The following PLXDC2 variants were observed in gnomAD, a reference collection of about 807,000 sequenced individuals.
The protein encoded by PLXDC2 is plexin domain containing 2.
A neutral mutation model predicts 68.9 loss-of-function variants in PLXDC2; 40 were observed. That is an observed-to-expected ratio of 0.58 (90% CI 0.45 to 0.76). PLXDC2 has a LOEUF of 0.76. Among genes scored for constraint, PLXDC2 ranks in the 30% least tolerant of loss-of-function variants. The pLI is 0.00. For missense variants in PLXDC2, 644 were observed against 661.9 expected (o/e 0.97, Z 0.30); for synonymous variants, 243 against 234.2 (o/e 1.04, Z -0.34).
At chr10:20,197,837 A>C (rs1834862847) in intron 9 of PLXDC2, among the ~76,000 whole-genome samples, 1 of 152,126 alleles carries the variant, frequency 6.6e-6, no homozygotes, top group Non-Finnish European at 1.5e-5. Context: ...TTTCATAAAT[A>C]AAAAGCCAAA....
At chr10:20,021,689 A>G (rs1266020210) in intron 2 of PLXDC2, among the ~76,000 whole-genome samples, 1 of 149,616 alleles carries the variant, frequency 6.7e-6, no homozygotes, top group Non-Finnish European at 1.5e-5. Context: ...TTATTTATTT[A>G]TTTATTTATT....
chr10:20,133,118 T>C (rs1340410066), intron 4 of PLXDC2, among the ~76,000 whole-genome samples: 1 of 152,212 alleles, frequency 6.6e-6, no homozygotes, highest in African/African-American at 2.4e-5. Flanking sequence ...TCTTCTCATA[T>C]TTTTTGTAGA....
At chr10:20,165,533 G>T (rs1431861239) in intron 7 of PLXDC2, among the ~76,000 whole-genome samples, 1 of 151,898 alleles carries the variant, frequency 6.6e-6, no homozygotes, top group Non-Finnish European at 1.5e-5. Flanking sequence ...GCGGTGTTTG[G>T]TTTTTTGTTC....
At chr10:20,204,371 G>A (rs1834961626) in intron 9 of PLXDC2, among the ~76,000 whole-genome samples, 1 of 151,872 alleles carries the variant, frequency 6.6e-6, no homozygotes, top group Non-Finnish European at 1.5e-5. Flanking sequence ...ACATGTTATT[G>A]GCTATAATCA....
intron 1 of PLXDC2, among the ~76,000 whole-genome samples, chr10:19,983,695 T>C (rs1029832875): frequency 3.9e-5 from 6 of 152,170 alleles, no homozygotes; most frequent in African/African-American, 1.4e-4. Context: ...GAATCCCAGG[T>C]TTAATAGGTC....
intron 9 of PLXDC2, among the ~76,000 whole-genome samples, chr10:20,185,258 C>T (rs1834667411): frequency 6.6e-6 from 1 of 151,470 alleles, no homozygotes; most frequent in South Asian, 2.1e-4. Flanking sequence ...AACCCAAGGC[C>T]TCACAGTCCA....
intron 4 of PLXDC2, among the ~76,000 whole-genome samples, chr10:20,102,390 T>C (rs1833435445): frequency 1.3e-5 from 2 of 152,240 alleles, no homozygotes; most frequent in Admixed American, 1.3e-4. Flanking sequence ...CATGTTTCTC[T>C]TTGCACCACA....
intron 4 of PLXDC2, among the ~76,000 whole-genome samples, chr10:20,128,908 A>G (rs1233191100): frequency 6.6e-6 from 1 of 152,162 alleles, no homozygotes; most frequent in Non-Finnish European, 1.5e-5. Flanking sequence ...GGTTGATCCT[A>G]TATCTTGGCC....
intron 1 of PLXDC2, among the ~76,000 whole-genome samples, chr10:19,865,040 G>T (rs1837388799): frequency 6.6e-6 from 1 of 152,208 alleles, no homozygotes; most frequent in South Asian, 2.1e-4. Flanking sequence ...GTTCAATGTG[G>T]CTGGAGGAGG....
intron 4 of PLXDC2, among the ~76,000 whole-genome samples, chr10:20,137,581 A>G (rs1833950397): frequency 6.6e-6 from 1 of 152,228 alleles, no homozygotes; most frequent in African/African-American, 2.4e-5. Flanking sequence ...ACCCTGCTCT[A>G]AGGCATAGGT....
chr10:20,252,542 G>T (rs1835690404), intron 13 of PLXDC2, among the ~76,000 whole-genome samples: 1 of 152,194 alleles, frequency 6.6e-6, no homozygotes, highest in South Asian at 2.1e-4. Context: ...AGAAAGAAAA[G>T]TTGGTTCCAT....
intron 4 of PLXDC2, among the ~76,000 whole-genome samples, chr10:20,130,753 T>G (rs1269482961): frequency 6.6e-6 from 1 of 150,966 alleles, no homozygotes; most frequent in Non-Finnish European, 1.5e-5. Context: ...GATGATCATA[T>G]AATTTTTAAT....
At chr10:20,027,903 T>G (rs1237596048) in intron 2 of PLXDC2, among the ~76,000 whole-genome samples, 1 of 152,162 alleles carries the variant, frequency 6.6e-6, no homozygotes, top group Admixed American at 6.5e-5. Flanking sequence ...CAGGTAGAAC[T>G]TTAGGAGTCA....
At chr10:20,264,023 A>G (rs1835841506) in intron 13 of PLXDC2, among the ~76,000 whole-genome samples, 1 of 152,176 alleles carries the variant, frequency 6.6e-6, no homozygotes, top group Non-Finnish European at 1.5e-5. Context: ...TCAAATGTTC[A>G]TTGCAGCACT....
chr10:20,224,589 G>C (rs988585677), intron 12 of PLXDC2, among the ~76,000 whole-genome samples: 1 of 152,122 alleles, frequency 6.6e-6, no homozygotes, highest in Admixed American at 6.5e-5. Flanking sequence ...TTTGCAAGTT[G>C]AATCAATGGC....
At chr10:20,019,747 C>T (rs1835272750) in intron 2 of PLXDC2, among the ~76,000 whole-genome samples, 1 of 152,190 alleles carries the variant, frequency 6.6e-6, no homozygotes, top group South Asian at 2.1e-4. Context: ...TGACACTGAA[C>T]TTCCAGCCTC....
intron 1 of PLXDC2, among the ~76,000 whole-genome samples, chr10:19,911,471 T>C (rs1484596214): frequency 1.3e-5 from 2 of 152,068 alleles, no homozygotes. Context: ...AAATTTCCCA[T>C]ATACCTTACA....
intron 1 of PLXDC2, among the ~76,000 whole-genome samples, chr10:19,916,164 T>G (rs1270467467): frequency 2.7e-5 from 4 of 148,414 alleles, no homozygotes; most frequent in African/African-American, 9.9e-5. Context: ...AGTCTCACTC[T>G]GTCACCTAGG....
intron 4 of PLXDC2, among the ~76,000 whole-genome samples, chr10:20,098,413 C>T (rs1439033956): frequency 6.7e-6 from 1 of 149,180 alleles, no homozygotes; most frequent in African/African-American, 2.4e-5. Context: ...CTCCCAGTAC[C>T]TCCCTCTTTT....
Sources: allele counts gnomAD v4.1 joint callset (sites outside exome capture counted in the v4.1 genomes callset), GRCh38; gene constraint gnomAD v4.1.1; transcripts MANE v1.5; gene names NCBI Gene and HGNC (gene_info 2026-07-23, HGNC 2026-07-21).